KANK2: variants seen among roughly 807,000 people sequenced by gnomAD.
KANK2 encodes the protein KN motif and ankyrin repeat domain-containing protein 2.
In KANK2, 41 loss-of-function variants were observed where a neutral mutation model predicts 74.6. The observed-to-expected ratio is 0.55, with a 90% CI of 0.43 to 0.71. The LOEUF is 0.71. Ranked by LOEUF, KANK2 falls within the 30% of genes least tolerant of loss-of-function variation. The pLI is 0.00. For missense variants in KANK2, 1,148 were observed against 1,196.4 expected, an observed-to-expected ratio of 0.96 and a Z score of 0.60; for synonymous variants, 537 against 519.0, an observed-to-expected ratio of 1.03 and a Z score of -0.47.
intron 8 of KANK2, 138 bp downstream of exon 8, chr19:11,175,764 A>C (rs2078317944): frequency 3.5e-6 from 2 of 573,956 alleles, no homozygotes; most frequent in East Asian, 2.9e-5. Flanking sequence ...GAGCACCACC[A>C]CCCCCATGCT....
intron 4 of KANK2, among the ~76,000 whole-genome samples, chr19:11,189,603 C>CAA (rs56203270): frequency 0.012 from 538 of 43,154 alleles, 58 homozygotes; most frequent in Non-Finnish European, 0.016. Context: ...GACTCTGTCT[C>CAA]AAAAAAAAAA....
intron 10 of KANK2, among the ~76,000 whole-genome samples, chr19:11,171,782 G>A (rs1012426162): frequency 6.6e-5 from 10 of 151,542 alleles, no homozygotes; most frequent in Non-Finnish European, 1.3e-4. Flanking sequence ...GGGTTCAAGC[G>A]ATTCTCCTGC....
Position 11,170,106 on chromosome 19 carries a change from T to C in KANK2, c.2354A>G (p.Lys785Arg), listed in dbSNP as rs755409277. The C allele has an allele frequency of 8.1e-6, 13 of 1,613,568 alleles. No individual in the cohort carries two copies. The highest frequency in any genetic ancestry group is 1.1e-5 in the Non-Finnish European group (13 of 1,180,016). ...ALMCACEHGH[K>R]EIAGLLLAVP... is the part of the protein sequence containing the mutation. ...GGCCAGCAGCAGCCCCGCGATCTCC[T>C]TGTGGCCGTGCTCACAGGCGCACAT... Residue 785 changes from lysine to arginine, a missense_variant, in exon 11 of 13, where the codon AAG becomes AGG. Physicochemically the swap from Lys to Arg is conservative, Grantham distance 26 (BLOSUM62 2). Transcript: ENST00000586659. This position sits in a 1 kb window ranked among gnomAD's most constrained non-coding sequence, Gnocchi z 5.2.
In KANK2 at chr19:11,193,197, G is replaced by C; in HGVS notation, c.883C>G (p.Gln295Glu). The part of the protein sequence containing the change: ...LAAKVAVLET[Q>E]LKKALQELQA... ...AGCTCCTGCAGCGCCTTCTTGAGCT[G>C]GGTCTCCAGCACAGCGACCTTGGCG... The change falls in exon 4 of 13, where the codon CAG (glutamine) becomes GAG (glutamate). Residue 295 changes from glutamine to glutamate, a missense_variant. Gln to Glu is a conservative substitution (Grantham distance 29, BLOSUM62 2). Transcript: ENST00000586659. This position sits in a 1 kb window ranked among gnomAD's most constrained non-coding sequence, Gnocchi z 9.6. 1 of 1,610,106 alleles carries C rather than the reference G, an allele frequency of 6.2e-7. No homozygotes were observed. The highest frequency in any genetic ancestry group is 1.7e-4 in the Middle Eastern group (1 of 6,060).
In KANK2 at chr19:11,173,053, C is replaced by A. The variant is rs773071028; in HGVS notation, c.2139G>T (p.Leu713=). Residue 713 remains leucine (L), a synonymous_variant, in exon 10 of 13, where the codon CTG becomes CTT. Coordinates refer to ENST00000586659, the MANE Select transcript of KANK2 (RefSeq NM_001136191.3). ...SPIMLTALAT[L]KTQDDIETVL... ...CAGTCTCGATGTCGTCCTGGGTCTT[C>A]AGGGTGGCCAGGGCGGTGAGCATAA... 6 of 1,614,142 alleles carry A rather than the reference C, an allele frequency of 3.7e-6. No individual in the cohort carries two copies. The highest frequency in any genetic ancestry group is 5.1e-6 in the Non-Finnish European group (6 of 1,180,004).
Position 11,177,704 on chromosome 19 carries a change from G to C in KANK2, c.1520+641C>G, listed in dbSNP as rs147415078. 5.9e-3 allele frequency among the ~76,000 whole-genome samples: 895 copies of C among 152,220 alleles called. 10 individuals are homozygous for C. The highest frequency in any genetic ancestry group is 0.021 in the African/African-American group (857 of 41,538). ...TCAGACTCCTGTTCCACTGCAAATA[G>C]GGCTCTCTCGTGTTTCTTGCTGGCT... On this transcript the variant is annotated intron_variant, in intron 6 of 12. Transcript: ENST00000586659.
intron 8 of KANK2, 39 bp from the exon 9 acceptor site, chr19:11,174,731 G>A (rs753045456): frequency 6.6e-7 from 1 of 1,510,402 alleles, no homozygotes; most frequent in African/African-American, 1.4e-5. Flanking sequence ...TGAGGGCGGG[G>A]GAGGCCCACT....
At chr19:11,188,484 C>T (rs2078741162) in intron 4 of KANK2, among the ~76,000 whole-genome samples, 1 of 148,214 alleles carries the variant, frequency 6.7e-6, no homozygotes, top group African/African-American at 2.5e-5. Context: ...GGATTACAGG[C>T]ATGAGCCACC....
chr19:11,166,597 T>A lies in KANK2; in HGVS notation c.2517A>T (p.Ser839=). 6.2e-7 allele frequency: 1 copy of A among 1,614,186 alleles called. No individual in the cohort carries two copies. The highest frequency in any genetic ancestry group is 8.5e-7 in the Non-Finnish European group (1 of 1,180,010). The change falls in exon 13 of 13, where the codon TCA becomes TCT. Residue 839 remains serine (S), a synonymous_variant. Coordinates refer to ENST00000586659, the MANE Select transcript of KANK2 (RefSeq NM_001136191.3). ...MNIKCSFAPM[S]DDESPTSSSA... ...AGGATGATGTAGGGCTCTCGTCATC[T>A]GACATTGGGGCAAACTGAAACAGAG...
At chr19:11,183,116 C>T (rs1202008392) in intron 4 of KANK2, among the ~76,000 whole-genome samples, 1 of 152,138 alleles carries the variant, frequency 6.6e-6, no homozygotes, top group African/African-American at 2.4e-5. Flanking sequence ...TAAGACAATT[C>T]TACAAAACAA....
intron 5 of KANK2, 38 bp downstream of exon 5, chr19:11,178,515 C>T (rs368421457): frequency 2.8e-4 from 441 of 1,602,986 alleles, no homozygotes; most frequent in Non-Finnish European, 3.5e-4. Context: ...GGCGCCATCC[C>T]GGTGCCCCGT....
chr19:11,178,598 T>G lies in KANK2; in HGVS notation c.1372A>C (p.Thr458Pro). The G allele has an allele frequency of 6.2e-7, 1 of 1,603,970 alleles. No homozygotes were observed. The highest frequency in any genetic ancestry group is 8.5e-7 in the Non-Finnish European group (1 of 1,175,980). ...PTQEPTHREPTRQAASQESEE... is the reference protein window; with the variant it reads ...PTQEPTHREPPRQAASQESEE... ...GACTCTTGGGAGGCTGCTTGCCTGG[T>G]GGGCTCCCTGTGGGTGGGCTCCTGG... The change falls in exon 5 of 13, where the codon ACC becomes CCC. Residue 458 changes from threonine to proline, a missense_variant. Transcript: ENST00000586659.
At chr19:11,183,952 C>T (rs2078602710) in intron 4 of KANK2, among the ~76,000 whole-genome samples, 1 of 152,090 alleles carries the variant, frequency 6.6e-6, no homozygotes, top group South Asian at 2.1e-4. Flanking sequence ...AACTCCTGGG[C>T]TCAAAGCAAT....
chr19:11,197,051 G>C (rs1207384556), intron 1 of KANK2: 2 of 152,372 alleles, frequency 1.3e-5, no homozygotes, highest in Admixed American at 6.5e-5. Flanking sequence ...GGCCCAGCCC[G>C]GCCGGACGCC....
At chr19:11,180,289 C>T (rs2078476794) in intron 4 of KANK2, among the ~76,000 whole-genome samples, 1 of 152,128 alleles carries the variant, frequency 6.6e-6, no homozygotes, top group East Asian at 1.9e-4. Context: ...GTGACAGGGT[C>T]TTGTTATATT....
intron 4 of KANK2, among the ~76,000 whole-genome samples, chr19:11,179,058 G>A (rs1329622171): frequency 1.3e-5 from 2 of 152,216 alleles, no homozygotes; most frequent in Non-Finnish European, 2.9e-5. Flanking sequence ...ACTCATGCCT[G>A]TAATCCCAGC....
intron 3 of KANK2, among the ~76,000 whole-genome samples, 176 bp from the exon 4 acceptor site, chr19:11,194,218 C>T (rs1175516983): frequency 6.6e-6 from 1 of 152,110 alleles, no homozygotes; most frequent in Non-Finnish European, 1.5e-5. Context: ...CCTTCAGACT[C>T]CCGGCGCTAG....
chr19:11,169,690 A>G (rs2078117065), intron 12 of KANK2, 187 bp downstream of exon 12: 3 of 605,776 alleles, frequency 5.0e-6, no homozygotes, highest in Middle Eastern at 7.6e-4. Flanking sequence ...TATCCCAGCT[A>G]CTCAGGAGGC....
Position 11,178,458 on chromosome 19 carries a change from G to A in KANK2, c.1418-11C>T. On this transcript the variant is annotated splice_polypyrimidine_tract_variant and intron_variant, in intron 5 of 12. Coordinates refer to ENST00000586659, the MANE Select transcript of KANK2 (RefSeq NM_001136191.3). Reference sequence around the variant, plus strand: ...CTGCCGGGGGCCCGCCTGGAGGGGAGGACAGCGGAGGTGCTGTGAGAGTCC... The same window carrying A: ...CTGCCGGGGGCCCGCCTGGAGGGGAAGACAGCGGAGGTGCTGTGAGAGTCC... The A allele has an allele frequency of 6.3e-7, 1 of 1,599,812 alleles. No individual in the cohort carries two copies. Among genetic ancestry groups the A allele is most frequent in the Non-Finnish European group, 8.5e-7 (1 of 1,174,916 alleles).
Sources: gnomAD v4.1 joint callset for allele counts (sites outside exome capture counted in the v4.1 genomes callset) on GRCh38, gnomAD v4.1.1 for gene constraint, Gnocchi (gnomAD v3.1) non-coding constraint, MANE v1.5 for transcripts, NCBI Gene and HGNC (gene_info 2026-07-23, HGNC 2026-07-21) for gene names.